DAB1: variants seen among roughly 807,000 people sequenced by gnomAD.
DAB1 encodes DAB adaptor protein 1, also known as disabled homolog 1.
In DAB1, 15 loss-of-function variants were observed where a neutral mutation model predicts 64.6. The observed-to-expected ratio is 0.23, with a 90% confidence interval of 0.16 to 0.36. The LOEUF (loss-of-function observed/expected upper bound fraction) is 0.36, where lower values mean the gene tolerates loss of function less well. Among genes scored for constraint, DAB1 ranks in the 10% least tolerant of loss-of-function variants. DAB1 has a pLI of 1.00. For synonymous variants in DAB1, 235 were observed against 251.9 expected (o/e 0.93, Z 0.64); for missense variants, 596 against 706.7 (o/e 0.84, Z 1.78).
At chr1:58,346,557 T>C (rs554931311) in intron 3 of DAB1, among the ~76,000 whole-genome samples, 2 of 152,326 alleles carry the variant, frequency 1.3e-5, no homozygotes, top group African/African-American at 4.8e-5. Context: ...TCTTCAGAAA[T>C]GTGGGGTTCC....
At position 58,470,285 on chromosome 1, in the gene DAB1, T is replaced by C. The variant is rs985364812; in HGVS notation, n.257+35775A>G. Among the ~76,000 whole-genome samples, 6 of 152,192 alleles carry C rather than the reference T, an allele frequency of 3.9e-5. No homozygotes were observed. The South Asian group carries it at 8.3e-4, about 21-fold the overall frequency. On this transcript the variant is annotated intron_variant and non_coding_transcript_variant, in intron 3 of 20. Transcript: ENST00000485760. ...GCCTCACAGGTTCAAGAGATTCTTG[T>C]GCCTCAGCCTCCCAAGCAGGTGGGA...
chr1:57,039,753 TG>T (rs1195390350), intron 9 of DAB1, among the ~76,000 whole-genome samples: 1 of 152,172 alleles, frequency 6.6e-6, no homozygotes, highest in Non-Finnish European at 1.5e-5. Context: ...TACATGAGGT[TG>T]GGGTTGGTGG....
At chr1:57,969,305 A>C (rs1476734404) in intron 5 of DAB1, among the ~76,000 whole-genome samples, 1 of 152,102 alleles carries the variant, frequency 6.6e-6, no homozygotes, top group Non-Finnish European at 1.5e-5. Context: ...AGAGCTTCAC[A>C]AATGTTAATA....
chr1:57,326,975 G>A lies in DAB1; in HGVS notation c.-136-35809C>T, dbSNP rs532440504. 2.0e-5 allele frequency among the ~76,000 whole-genome samples: 3 copies of A among 152,172 alleles called. No individual in the cohort carries two copies. The South Asian group carries it at 6.2e-4, about 32-fold the overall frequency. On this transcript the variant is annotated intron_variant, in intron 1 of 14. Transcript: ENST00000371236. Reference sequence around the variant, plus strand: ...ATTTTTTGAGACAGGTTTGCACTCTGTTGCCTGGATTGGAGTGCAGTGGCA... The same window carrying A: ...ATTTTTTGAGACAGGTTTGCACTCTATTGCCTGGATTGGAGTGCAGTGGCA...
chr1:58,296,221 GAA>G (rs1661984432), intron 4 of DAB1, among the ~76,000 whole-genome samples: 11 of 148,586 alleles, frequency 7.4e-5, no homozygotes, highest in African/African-American at 1.7e-4. Context: ...AAGAAAGAAA[GAA>G]AGAAAGAAAG....
chr1:57,471,480 G>T (rs553633877), intron 7 of DAB1, among the ~76,000 whole-genome samples: 2 of 152,310 alleles, frequency 1.3e-5, no homozygotes, highest in Admixed American at 1.3e-4. Flanking sequence ...GTTTGGCTGT[G>T]TCCCCACCCA....
chr1:58,007,177 C>T (rs1460436092), intron 5 of DAB1, among the ~76,000 whole-genome samples: 1 of 152,036 alleles, frequency 6.6e-6, no homozygotes, highest in East Asian at 1.9e-4. Flanking sequence ...AGAAACAACA[C>T]AGATCCCACA....
intron 6 of DAB1, among the ~76,000 whole-genome samples, chr1:57,804,843 A>C (rs1289964965): frequency 6.6e-6 from 1 of 152,210 alleles, no homozygotes; most frequent in Non-Finnish European, 1.5e-5. Flanking sequence ...TAAAGCTATG[A>C]GCCATTTCTC....
intron 7 of DAB1, among the ~76,000 whole-genome samples, chr1:57,603,779 G>T (rs1281603703): frequency 6.6e-6 from 1 of 152,192 alleles, no homozygotes; most frequent in Non-Finnish European, 1.5e-5. Flanking sequence ...CACAGGTGAA[G>T]AGGATTAATT....
At chr1:57,621,947 T>C (rs1449161404) in intron 7 of DAB1, among the ~76,000 whole-genome samples, 1 of 152,154 alleles carries the variant, frequency 6.6e-6, no homozygotes, top group Non-Finnish European at 1.5e-5. Flanking sequence ...AAGGCATCAG[T>C]AGGCTTTGGC....
intron 1 of DAB1, among the ~76,000 whole-genome samples, chr1:57,848,688 C>T (rs1228206015): frequency 1.3e-5 from 2 of 152,332 alleles, no homozygotes; most frequent in East Asian, 3.9e-4. Flanking sequence ...CAAGCCAAAC[C>T]AGGAGCAAAA....
At chr1:57,138,855 A>G (rs1215496934) in intron 3 of DAB1, among the ~76,000 whole-genome samples, 1 of 152,188 alleles carries the variant, frequency 6.6e-6, no homozygotes, top group Non-Finnish European at 1.5e-5. Context: ...TCGCAAATTC[A>G]TTCATTGATT....
intron 4 of DAB1, among the ~76,000 whole-genome samples, chr1:58,195,128 G>A (rs1289086079): frequency 7.2e-6 from 1 of 138,210 alleles, no homozygotes; most frequent in African/African-American, 2.8e-5. Context: ...GCCACCAGGA[G>A]AGAGAGAGAG....
intron 4 of DAB1, among the ~76,000 whole-genome samples, chr1:57,085,120 C>T (rs1652944345): frequency 6.6e-6 from 1 of 152,160 alleles, no homozygotes; most frequent in African/African-American, 2.4e-5. Flanking sequence ...CTACCATTTG[C>T]CTGTTAGAGA....
intron 5 of DAB1, among the ~76,000 whole-genome samples, chr1:58,113,632 A>G (rs904671071): frequency 2.6e-5 from 4 of 151,774 alleles, no homozygotes; most frequent in Non-Finnish European, 4.4e-5. Context: ...CAATGACCCT[A>G]TTGTGGTAAT....
chr1:57,564,767 G>C (rs548180011), intron 7 of DAB1, among the ~76,000 whole-genome samples: 1 of 152,302 alleles, frequency 6.6e-6, no homozygotes, highest in South Asian at 2.1e-4. Flanking sequence ...AGAAATATGG[G>C]ACTATGTGTA....
At chr1:57,695,384 GAAAGAAAGAAAGAAAGAAAGAAA>G (rs1646826362) in intron 6 of DAB1, among the ~76,000 whole-genome samples, 1 of 75,180 alleles carries the variant, frequency 1.3e-5, no homozygotes, top group South Asian at 4.8e-4. Flanking sequence ...AAGAAAGAAA[GAAAGAAAGAAAGAAAGAAAGAAA>G]GAAAGAAAGA....
intron 9 of DAB1, among the ~76,000 whole-genome samples, chr1:57,050,311 GA>G (rs1649055668): frequency 6.6e-6 from 1 of 152,104 alleles, no homozygotes; most frequent in African/African-American, 2.4e-5. Flanking sequence ...GAGGTACACT[GA>G]AAAAAGCAAA....
intron 4 of DAB1, among the ~76,000 whole-genome samples, chr1:58,247,161 G>A (rs971212439): frequency 6.6e-6 from 1 of 152,070 alleles, no homozygotes; most frequent in Non-Finnish European, 1.5e-5. Flanking sequence ...CAGAATGGGG[G>A]CAAGGAGGCT....
Sources: allele counts gnomAD v4.1 joint callset (sites outside exome capture counted in the v4.1 genomes callset), GRCh38; gene constraint gnomAD v4.1.1; transcripts MANE v1.5; gene names NCBI Gene and HGNC (gene_info 2026-07-23, HGNC 2026-07-21).